PLA2G6: variants seen among roughly 807,000 people sequenced by gnomAD.
PLA2G6 encodes phospholipase A2 group VI, also known as 85/88 kDa calcium-independent phospholipase A2.
Under a neutral mutation model 83.8 loss-of-function variants are expected in PLA2G6, and 62 were observed. That is an observed-to-expected ratio of 0.74 (90% confidence interval 0.60 to 0.91). The LOEUF (loss-of-function observed/expected upper bound fraction) is 0.91, where lower values mean the gene tolerates loss of function less well. Among genes scored for constraint, PLA2G6 ranks in the 40% least tolerant of loss-of-function variants. The pLI is 0.00. For missense variants in PLA2G6, 944 were observed against 1,102.0 expected, an observed-to-expected ratio of 0.86 and a Z score of 2.03; for synonymous variants, 417 against 449.8, an observed-to-expected ratio of 0.93 and a Z score of 0.92.
At chr22:38,120,622 G>C (rs2087468089) in intron 12 of PLA2G6, 137 bp downstream of exon 12, 1 of 1,069,358 alleles carries the variant, frequency 9.4e-7, no homozygotes, top group Non-Finnish European at 1.4e-6. Flanking sequence ...TGCCTCCCTG[G>C]GAAGGGGGTT....
chr22:38,112,213 T>A lies in PLA2G6; in HGVS notation c.2369A>T (p.Tyr790Phe). The change falls in exon 17 of 17, where the codon TAT (tyrosine) becomes TTT (phenylalanine). Residue 790 changes from tyrosine (Y) to phenylalanine (F), a missense_variant. By Grantham distance (22) the Tyr-to-Phe change is conservative. Coordinates refer to ENST00000332509, the MANE Select transcript of PLA2G6 (RefSeq NM_003560.4). Reference protein sequence around the residue: ...NALWETEVYIYEHREEFQKLI... With the variant: ...NALWETEVYIFEHREEFQKLI... ...CTTCTGGAACTCCTCGCGGTGCTCA[T>A]AGATGTAGACCTCGGTCTCCCAGAG... The A allele has an allele frequency of 6.2e-7, 1 of 1,610,784 alleles. No individual in the cohort carries two copies. Among genetic ancestry groups the A allele is most frequent in the East Asian group, 2.2e-5 (1 of 44,794 alleles).
At chr22:38,154,713 C>T (rs188461441) in intron 2 of PLA2G6, among the ~76,000 whole-genome samples, 6 of 152,308 alleles carry the variant, frequency 3.9e-5, no homozygotes, top group East Asian at 3.9e-4. Context: ...CAGACACTGA[C>T]GAACATCACA....
chr22:38,166,738 T>C (rs757025659), intron 2 of PLA2G6, among the ~76,000 whole-genome samples: 17 of 151,518 alleles, frequency 1.1e-4, no homozygotes, highest in Non-Finnish European at 2.4e-4. Context: ...CTCAAAAAAA[T>C]AAATACATAC....
intron 11 of PLA2G6, 114 bp from the exon 12 acceptor site, chr22:38,121,023 G>T (rs369917425): frequency 3.8e-6 from 5 of 1,308,022 alleles, no homozygotes; most frequent in Admixed American, 1.8e-5. Context: ...CGGGTTTACC[G>T]AGGCCTAAGC....
chr22:38,167,443 T>C (rs2090263695), intron 2 of PLA2G6, among the ~76,000 whole-genome samples: 2 of 152,086 alleles, frequency 1.3e-5, no homozygotes, highest in Admixed American at 6.6e-5. Flanking sequence ...TGGAGATTAG[T>C]GGTATCCCCA....
chr22:38,157,620 C>G (rs1385197305), intron 2 of PLA2G6, among the ~76,000 whole-genome samples: 4 of 152,152 alleles, frequency 2.6e-5, no homozygotes, highest in Non-Finnish European at 4.4e-5. Context: ...CAGTATTGCC[C>G]TGACACCAAA....
chr22:38,144,871 ATAAAG>A (rs746823355), intron 3 of PLA2G6: 24 of 208,892 alleles, frequency 1.1e-4, no homozygotes, highest in African/African-American at 5.2e-4. Context: ...ATAAAATAAA[ATAAAG>A]TAAAATAAAA....
intron 12 of PLA2G6, among the ~76,000 whole-genome samples, chr22:38,119,447 C>CAA (rs377696641): frequency 6.6e-6 from 1 of 152,190 alleles, no homozygotes; most frequent in African/African-American, 2.4e-5. Context: ...TAAAAGACCT[C>CAA]AATGTAAAAG....
chr22:38,122,358 A>G (rs1412119267), intron 11 of PLA2G6, among the ~76,000 whole-genome samples: 1 of 151,944 alleles, frequency 6.6e-6, no homozygotes, highest in Non-Finnish European at 1.5e-5. Context: ...GGTTGGGGGG[A>G]GCTGAGGACC....
chr22:38,169,243 G>C lies in PLA2G6; in HGVS notation c.184C>G (p.Pro62Ala), dbSNP rs758893865. 2 of 1,613,886 alleles carry C rather than the reference G, an allele frequency of 1.2e-6. No homozygotes were observed. ...CGGAATCCACTCTGTGAGTTCCTGG[G>C]GTTGACCAGGACGCAGTCCCAGGTG... ...NRTWDCVLVN[P>A]RNSQSGFRLF... The change falls in exon 2 of 17, where the codon CCC becomes GCC. Residue 62 changes from proline (P) to alanine (A), a missense_variant. Coordinates refer to ENST00000332509, the MANE Select transcript of PLA2G6 (RefSeq NM_003560.4).
chr22:38,131,977 T>C (rs1023865369), intron 7 of PLA2G6: 2 of 348,726 alleles, frequency 5.7e-6, no homozygotes, highest in Non-Finnish European at 1.1e-5. Flanking sequence ...TAGCTGGGCA[T>C]GGTGGCACGT....
chr22:38,165,306 C>A (rs2090172010), intron 2 of PLA2G6, among the ~76,000 whole-genome samples: 1 of 152,230 alleles, frequency 6.6e-6, no homozygotes, highest in Non-Finnish European at 1.5e-5. Context: ...CAGACACAGT[C>A]CCTCCCCTCA....
intron 4 of PLA2G6, chr22:38,140,854 C>G (rs2012725): frequency 0.62 from 94,943 of 152,478 alleles, 31,111 homozygotes; most frequent in African/African-American, 0.83. Context: ...ATACCAGCCT[C>G]GGCAACATAG....
chr22:38,125,631 ACACT>A (rs1303631020), intron 10 of PLA2G6: 3 of 468,742 alleles, frequency 6.4e-6, no homozygotes, highest in Admixed American at 2.4e-5. Flanking sequence ...TGCCACCCTG[ACACT>A]CACTCCGTGT....
At chr22:38,167,295 A>C (rs2090258929) in intron 2 of PLA2G6, among the ~76,000 whole-genome samples, 1 of 152,128 alleles carries the variant, frequency 6.6e-6, no homozygotes, top group Admixed American at 6.5e-5. Context: ...GCTTACGTGT[A>C]GCTAAGAAGC....
chr22:38,147,395 CAG>C (rs1012727018), intron 2 of PLA2G6: 1 of 169,250 alleles, frequency 5.9e-6, no homozygotes, highest in African/African-American at 2.4e-5. Context: ...AGGCAGTGCC[CAG>C]AGAGTGTTGG....
chr22:38,161,397 C>T (rs1199030457), intron 2 of PLA2G6, among the ~76,000 whole-genome samples: 6 of 152,086 alleles, frequency 3.9e-5, no homozygotes, highest in African/African-American at 1.4e-4. Flanking sequence ...GGCACTAATC[C>T]CATTCATGAG....
At chr22:38,167,037 G>A (rs1171013007) in intron 2 of PLA2G6, among the ~76,000 whole-genome samples, 1 of 151,864 alleles carries the variant, frequency 6.6e-6, no homozygotes, top group African/African-American at 2.4e-5. Flanking sequence ...GACCATCCTG[G>A]CTAACATGGT....
At chr22:38,137,980 C>T (rs1052314198) in intron 5 of PLA2G6, 3 of 152,348 alleles carry the variant, frequency 2.0e-5, no homozygotes, top group African/African-American at 4.8e-5. Flanking sequence ...TAAGGGATCT[C>T]CCTGCTCCAC....
Sources: gnomAD v4.1 joint callset for allele counts (sites outside exome capture counted in the v4.1 genomes callset) on GRCh38, gnomAD v4.1.1 for gene constraint, MANE v1.5 for transcripts, NCBI Gene and HGNC (gene_info 2026-07-23, HGNC 2026-07-21) for gene names.